Variants in LRRTM4 observed in about 807,000 individuals in gnomAD.
The protein encoded by LRRTM4 is leucine-rich repeat transmembrane neuronal protein 4.
In LRRTM4, 25 loss-of-function variants were observed where a neutral mutation model predicts 47.6. The ratio of observed to expected loss-of-function variants is 0.53; its 90% CI spans 0.38 to 0.73. The LOEUF (loss-of-function observed/expected upper bound fraction) is 0.73. Among genes scored for constraint, LRRTM4 ranks in the 30% least tolerant of loss-of-function variants. LRRTM4 has a pLI of 0.00. For synonymous variants in LRRTM4, 311 were observed against 269.5 expected, an observed-to-expected ratio of 1.15 and a Z score of -1.51; for missense variants, 638 against 713.4, an observed-to-expected ratio of 0.89 and a Z score of 1.20.
At chr2:77,226,995 A>C (rs1411894381) in intron 3 of LRRTM4, among the ~76,000 whole-genome samples, 1 of 151,944 alleles carries the variant, frequency 6.6e-6, no homozygotes, top group South Asian at 2.1e-4. Context: ...TACTAGATGG[A>C]AAGTTAATTA....
In LRRTM4 at chr2:77,514,155, T is replaced by G. The variant is rs76912572; in HGVS notation, c.1551+4163A>C. Among the ~76,000 whole-genome samples, 954 of 152,042 alleles carry G rather than the reference T, an allele frequency of 6.3e-3. 14 individuals are homozygous for G. Among genetic ancestry groups the G allele is most frequent in the African/African-American group, 0.022 (929 of 41,518 alleles). On this transcript the variant is annotated intron_variant, in intron 3 of 3. Transcript: ENST00000409884. ...TTTAAATATACAAATACAGTTTCAA[T>G]CATAACATTGTACCATGACACAGTT...
chr2:76,912,048 G>A (rs183172167), intron 3 of LRRTM4, among the ~76,000 whole-genome samples: 1 of 151,130 alleles, frequency 6.6e-6, no homozygotes, highest in African/African-American at 2.4e-5. Context: ...CCTGCCCCGA[G>A]TAGCTGCAAC....
chr2:77,444,297 CAA>C (rs1675960076), intron 3 of LRRTM4, among the ~76,000 whole-genome samples: 1 of 152,092 alleles, frequency 6.6e-6, no homozygotes, highest in Non-Finnish European at 1.5e-5. Context: ...CACATAGTGA[CAA>C]AGTTTTGAGG....
chr2:77,519,529 A>G lies in LRRTM4; in HGVS notation c.340T>C (p.Leu114=). 1 of 1,613,430 alleles carries G rather than the reference A, an allele frequency of 6.2e-7. No individual in the cohort carries two copies. The highest frequency in any genetic ancestry group is 1.1e-5 in the South Asian group (1 of 91,066). The change falls in exon 3 of 4, where the codon TTA becomes CTA. Residue 114 remains leucine (L), a synonymous_variant. Transcript: ENST00000409884. The surrounding 1 kb of genome is among the most constrained non-coding windows in gnomAD (Gnocchi z 4.6). ...GTAATTTTGTTGGAGCTTAGAATTAATTCTTTCAGTCTACGGATCCCTTGA... is the reference window on the plus strand; with the variant it reads ...GTAATTTTGTTGGAGCTTAGAATTAGTTCTTTCAGTCTACGGATCCCTTGA... The part of the protein sequence containing the change: ...AFQGIRRLKE[L]ILSSNKITYL...
rs71381260 is a variant in LRRTM4, at chr2:77,111,283, AT to A, written c.1552-362368del. On this transcript the variant is annotated intron_variant, in intron 3 of 3. Coordinates refer to ENST00000409884, the MANE Select transcript of LRRTM4 (RefSeq NM_001134745.3). Reference sequence around the variant, plus strand: ...CAGGTGTGTGTCACCACACCTGGCTATTTTTTTTTTTTTTTTTTTGTATTTT... The same window carrying A: ...CAGGTGTGTGTCACCACACCTGGCTATTTTTTTTTTTTTTTTTTGTATTTT... Among the ~76,000 whole-genome samples the A allele has an allele frequency of 6.8e-3, 772 of 113,128 alleles. 7 individuals carry two copies. The highest frequency in any genetic ancestry group is 0.012 in the South Asian group (40 of 3,336). 74.2% of individuals were successfully genotyped at this position (113,128 alleles called of 152,430 possible). A position where few individuals can be genotyped will look rare whatever the true frequency, so the allele number is the denominator to read the frequency against.
At chr2:76,801,008 A>C (rs1203050225) in intron 3 of LRRTM4, among the ~76,000 whole-genome samples, 3 of 147,320 alleles carry the variant, frequency 2.0e-5, no homozygotes, top group Non-Finnish European at 4.5e-5. Flanking sequence ...AAAAGGCAGG[A>C]AACAACAGGT....
chr2:77,071,713 A>G (rs1314782024), intron 3 of LRRTM4, among the ~76,000 whole-genome samples: 1 of 152,236 alleles, frequency 6.6e-6, no homozygotes, highest in Non-Finnish European at 1.5e-5. Flanking sequence ...CTTGTTTAAT[A>G]ACAACCAACT....
intron 3 of LRRTM4, among the ~76,000 whole-genome samples, chr2:76,799,677 T>C (rs1380877933): frequency 3.8e-5 from 5 of 131,298 alleles, no homozygotes; most frequent in Non-Finnish European, 4.8e-5. Flanking sequence ...TGTTTGCGGA[T>C]GACATGATTG....
intron 3 of LRRTM4, among the ~76,000 whole-genome samples, chr2:77,477,985 CAT>C (rs1188863209): frequency 1.3e-4 from 19 of 151,014 alleles, no homozygotes; most frequent in African/African-American, 4.4e-4. Flanking sequence ...AAAAAAGCCA[CAT>C]GAGGCAATTA....
At chr2:76,953,095 A>T (rs1675550334) in intron 3 of LRRTM4, among the ~76,000 whole-genome samples, 1 of 151,886 alleles carries the variant, frequency 6.6e-6, no homozygotes, top group South Asian at 2.1e-4. Context: ...CACTACCTGG[A>T]TACAATATAC....
At chr2:77,450,317 A>G (rs929903773) in intron 3 of LRRTM4, among the ~76,000 whole-genome samples, 2 of 151,328 alleles carry the variant, frequency 1.3e-5, no homozygotes, top group Non-Finnish European at 3.0e-5. Context: ...ACAAACACAG[A>G]CACACACACA....
chr2:76,771,908 C>G (rs1183775405), intron 3 of LRRTM4, among the ~76,000 whole-genome samples: 1 of 152,100 alleles, frequency 6.6e-6, no homozygotes, highest in East Asian at 1.9e-4. Context: ...TTGAGGAAAG[C>G]TGCAGTCCAG....
intron 3 of LRRTM4, among the ~76,000 whole-genome samples, chr2:77,100,345 A>C (rs556688243): frequency 6.6e-6 from 1 of 152,318 alleles, no homozygotes; most frequent in East Asian, 1.9e-4. Flanking sequence ...ACAATGTAAA[A>C]ATTTCATACA....
intron 3 of LRRTM4, among the ~76,000 whole-genome samples, chr2:77,162,138 CAATGGTCTTAGCA>C (rs1219527364): frequency 1.3e-5 from 2 of 152,166 alleles, no homozygotes; most frequent in Admixed American, 1.3e-4. Context: ...TGTGCTTTTC[CAATGGTCTTAGCA>C]AATGGCACCC....
At chr2:77,521,533 G>A (rs1460211880) in intron 2 of LRRTM4, 135 bp downstream of exon 2, 4 of 940,616 alleles carry the variant, frequency 4.3e-6, no homozygotes, top group Non-Finnish European at 6.6e-6. Flanking sequence ...AGCAACTATA[G>A]TGAATCAACT....
rs529182852 is a variant in LRRTM4 at position 76,967,122 on chromosome 2, T to C, written c.1552-218206A>G. On this transcript the variant is annotated intron_variant, in intron 3 of 3. Coordinates refer to ENST00000409884, the MANE Select transcript of LRRTM4 (RefSeq NM_001134745.3). ...GCTGTTTCTACCTGTTATGCCTTAT[T>C]ATGTTTCTCCTTTCAGAATAAGTGC... Among the ~76,000 whole-genome samples the C allele has an allele frequency of 3.3e-5, 5 of 151,506 alleles. 1 individual carries two copies. The South Asian group carries it at 1.0e-3, about 31-fold the overall frequency.
intron 3 of LRRTM4, among the ~76,000 whole-genome samples, chr2:77,396,690 G>A (rs930242071): frequency 1.3e-5 from 2 of 151,880 alleles, no homozygotes; most frequent in African/African-American, 4.8e-5. Context: ...CAGCAAAGAG[G>A]CTATTTATTG....
intron 3 of LRRTM4, among the ~76,000 whole-genome samples, chr2:76,793,476 T>G (rs998693835): frequency 6.6e-6 from 1 of 152,158 alleles, no homozygotes; most frequent in African/African-American, 2.4e-5. Context: ...TCTATCTACT[T>G]TAAGATAAGT....
intron 3 of LRRTM4, among the ~76,000 whole-genome samples, chr2:77,068,374 CAG>C (rs941341833): frequency 1.2e-4 from 18 of 152,082 alleles, no homozygotes; most frequent in African/African-American, 4.1e-4. Context: ...AGTCTCTTCA[CAG>C]AGTTATACTA....
Sources: gnomAD v4.1 joint callset for allele counts (sites outside exome capture counted in the v4.1 genomes callset) on GRCh38, gnomAD v4.1.1 for gene constraint, Gnocchi (gnomAD v3.1) non-coding constraint, MANE v1.5 for transcripts, NCBI Gene and HGNC (gene_info 2026-07-23, HGNC 2026-07-21) for gene names.